Variants in KIF20A observed in about 807,000 individuals in gnomAD.
The protein encoded by KIF20A is kinesin-like protein KIF20A.
Under a neutral mutation model 113.0 loss-of-function variants are expected in KIF20A, and 66 were observed. That is an observed-to-expected ratio of 0.58 (90% CI 0.48 to 0.72). KIF20A has a LOEUF of 0.72. KIF20A is among the 30% of genes least tolerant of loss of function. KIF20A has a pLI of 0.00. For missense variants in KIF20A, 927 were observed against 1,077.6 expected (o/e 0.86, Z 1.96); for synonymous variants, 376 against 402.3 (o/e 0.93, Z 0.78).
rs1754739951 is a variant in KIF20A, at chr5:138,186,058, T to G, written c.2217+6T>G. On this transcript the variant is annotated splice_donor_region_variant and intron_variant, in intron 17 of 18. Transcript: ENST00000394894. Reference sequence around the variant, plus strand: ...AGTTAGAAGAGGGCCAGAAGGTAATTACCACCATTCTCTGTTTACCAAACT... The same window carrying G: ...AGTTAGAAGAGGGCCAGAAGGTAATGACCACCATTCTCTGTTTACCAAACT... 4.3e-6 allele frequency: 7 copies of G among 1,611,732 alleles called. No homozygotes were observed. Among genetic ancestry groups the G allele is most frequent in the South Asian group, 1.1e-5 (1 of 90,988 alleles).
chr5:138,179,788 C>T lies in KIF20A; in HGVS notation c.108C>T (p.Arg36=), dbSNP rs763690713. 1.9e-6 allele frequency: 3 copies of T among 1,614,082 alleles called. No individual in the cohort carries two copies. Among genetic ancestry groups the T allele is most frequent in the Non-Finnish European group, 2.5e-6 (3 of 1,180,028 alleles). ...STAADLGSVV[R]KNLLSDCSVV... ...CTGCAGATTTGGGGTCTGTGGTACG[C>T]AAGAACCTGCTATCAGACTGCTCTG... The change falls in exon 2 of 19, where the codon CGC becomes CGT. Residue 36 remains arginine (R), a synonymous_variant. Transcript: ENST00000394894.
rs764585468 is a variant in KIF20A at position 138,181,693 on chromosome 5, A to G, written c.340A>G (p.Ile114Val). 2.5e-6 allele frequency: 4 copies of G among 1,614,098 alleles called. No homozygotes were observed. Among genetic ancestry groups the G allele is most frequent in the East Asian group, 4.5e-5 (2 of 44,876 alleles). ...TGCCCTGAAGAGCAATGAACGGGGAATTGGCCAAGCCACACACAGGTTCAC... is the reference window on the plus strand; with the variant it reads ...TGCCCTGAAGAGCAATGAACGGGGAGTTGGCCAAGCCACACACAGGTTCAC... The part of the protein sequence containing the change: ...SFALKSNERG[I>V]GQATHRFTFS... The change falls in exon 4 of 19, where the codon ATT (isoleucine) becomes GTT (valine). Residue 114 changes from isoleucine to valine, a missense_variant. Transcript: ENST00000394894.
intron 2 of KIF20A, among the ~76,000 whole-genome samples, chr5:138,180,428 A>G (rs1308257604): frequency 6.6e-6 from 1 of 152,196 alleles, no homozygotes; most frequent in African/African-American, 2.4e-5. Context: ...AAATGTCTTC[A>G]GGCACTTCAG....
chr5:138,181,150 AC>A (rs1321826590), intron 2 of KIF20A, among the ~76,000 whole-genome samples: 2 of 152,256 alleles, frequency 1.3e-5, no homozygotes, highest in Admixed American at 1.3e-4. Flanking sequence ...AATATCACAT[AC>A]TAATTTTCAT....
rs1216637571 is a variant in KIF20A at position 138,181,613 on chromosome 5, G to A, written c.260G>A (p.Cys87Tyr). 6.2e-7 allele frequency: 1 copy of A among 1,614,178 alleles called. No homozygotes were observed. The highest frequency in any genetic ancestry group is 1.7e-5 in the Admixed American group (1 of 60,030). Residue 87 changes from cysteine to tyrosine, a missense_variant, in exon 4 of 19, where the codon TGT becomes TAT. Transcript: ENST00000394894. ...SELERQEDQGCVRIENVETLV... is the reference protein window; with the variant it reads ...SELERQEDQGYVRIENVETLV... ...CTGTATTTTCTCCCTTCTCAGGGTT[G>A]TGTCCGTATTGAGAATGTGGAGACC...
At position 138,179,852 on chromosome 5, in the gene KIF20A, G is replaced by A; in HGVS notation, c.165+7G>A. On this transcript the variant is annotated splice_region_variant and intron_variant, in intron 2 of 18. Transcript: ENST00000394894. ...CCTAGAGGACAAGCAGCAGGTAAAG[G>A]AACTGGGGAGTGGCTGGGGCGGAAA... The A allele has an allele frequency of 6.2e-7, 1 of 1,613,706 alleles. No homozygotes were observed. Among genetic ancestry groups the A allele is most frequent in the East Asian group, 2.2e-5 (1 of 44,858 alleles).
In KIF20A at chr5:138,185,968, T is replaced by C. The variant is rs2151234150; in HGVS notation, c.2133T>C (p.His711=). 2 of 1,613,948 alleles carry C rather than the reference T, an allele frequency of 1.2e-6. No homozygotes were observed. Among genetic ancestry groups the C allele is most frequent in the Non-Finnish European group, 1.7e-6 (2 of 1,179,850 alleles). Residue 711 remains histidine (H), a synonymous_variant, in exon 17 of 19, where the codon CAT becomes CAC. Transcript: ENST00000394894. ...CCTGTTTCCTTCCCTCAGAGTTGCA[T>C]AAGTATCAGAAAATGTTAGAACCAC... is the stretch of plus-strand genomic sequence containing the variant. The part of the protein sequence containing the change: ...AELNSTTEEL[H]KYQKMLEPPP...
intron 4 of KIF20A, 45 bp from the exon 5 acceptor site, chr5:138,182,278 T>G: frequency 6.3e-7 from 1 of 1,593,876 alleles, no homozygotes; most frequent in Non-Finnish European, 8.5e-7. Flanking sequence ...AGGAGGCAAG[T>G]GGGAGATGAA....
chr5:138,183,690 A>G lies in KIF20A; in HGVS notation c.1142A>G (p.His381Arg). Reference protein sequence around the residue: ...THLNQNSSRSHSIFSIRILHL... With the variant: ...THLNQNSSRSRSIFSIRILHL... ...TTTTTGTTTTTCTTAACTTCCAGTC[A>G]CAGCATCTTCTCAATCAGGATCCTA... Residue 381 changes from histidine (H) to arginine (R), a missense_variant and splice_region_variant, in exon 10 of 19, where the codon CAC becomes CGC. Transcript: ENST00000394894. This position sits in a 1 kb window ranked among gnomAD's most constrained non-coding sequence, Gnocchi z 5.2. 2 of 1,613,768 alleles carry G rather than the reference A, an allele frequency of 1.2e-6. No homozygotes were observed. Among genetic ancestry groups the G allele is most frequent in the South Asian group, 1.1e-5 (1 of 91,080 alleles).
rs1231378230 is a variant in KIF20A at position 138,179,768 on chromosome 5, G to C, written c.88G>C (p.Asp30His). 3 of 1,614,042 alleles carry C rather than the reference G, an allele frequency of 1.9e-6. No individual in the cohort carries two copies. Among genetic ancestry groups the C allele is most frequent in the African/African-American group, 1.3e-5 (1 of 74,918 alleles). Residue 30 changes from aspartate to histidine, a missense_variant, in exon 2 of 19, where the codon GAT becomes CAT. Asp to His is a moderately conservative substitution (Grantham distance 81, BLOSUM62 -1). Transcript: ENST00000394894. ...VSPMFESTAADLGSVVRKNLL... is the reference protein window; with the variant it reads ...VSPMFESTAAHLGSVVRKNLL... Reference sequence around the variant, plus strand: ...TCCCATGTTTGAGTCCACAGCTGCAGATTTGGGGTCTGTGGTACGCAAGAA... The same window carrying C: ...TCCCATGTTTGAGTCCACAGCTGCACATTTGGGGTCTGTGGTACGCAAGAA...
intron 17 of KIF20A, 86 bp downstream of exon 17, chr5:138,186,138 C>T (rs191246348): frequency 8.3e-5 from 125 of 1,499,814 alleles, no homozygotes; most frequent in Non-Finnish European, 1.1e-4. Flanking sequence ...CATGTGAAGA[C>T]AAGATGTTTT....
In KIF20A at chr5:138,185,494, T is replaced by C; in HGVS notation, c.1927-18T>C. ...TTTCTGGCTCTGCAAAGAATTGTGC[T>C]CTCTGCTTCCCTCTTAGGAGCGGGA... On this transcript the variant is annotated intron_variant, in intron 15 of 18. Coordinates refer to ENST00000394894, the MANE Select transcript of KIF20A (RefSeq NM_005733.3). The C allele has an allele frequency of 6.2e-7, 1 of 1,611,548 alleles. No individual in the cohort carries two copies. The highest frequency in any genetic ancestry group is 2.2e-5 in the East Asian group (1 of 44,872).
chr5:138,183,154 T>C lies in KIF20A; in HGVS notation c.833-15T>C. The C allele has an allele frequency of 1.9e-6, 3 of 1,613,376 alleles. No homozygotes were observed. In the South Asian group the frequency reaches 3.3e-5, roughly 18 times the overall value. The stretch of plus-strand genomic sequence containing the variant: ...TGCTCTAGGTTGATGCCCTATACAT[T>C]GGCTTCTTCTCCAGAAACAAGTCAT... On this transcript the variant is annotated splice_polypyrimidine_tract_variant and intron_variant, in intron 7 of 18. Transcript: ENST00000394894. The surrounding 1 kb of genome is among the most constrained non-coding windows in gnomAD (Gnocchi z 5.2).
chr5:138,184,122 A>G lies in KIF20A; in HGVS notation c.1352+17A>G. ...GCAGAACCGGTGAGCTTTTGACTAT[A>G]ATTCCTGGGCTCTGCAATTTGCTAA... On this transcript the variant is annotated intron_variant, in intron 11 of 18. Transcript: ENST00000394894. The G allele has an allele frequency of 6.2e-7, 1 of 1,614,006 alleles. No individual in the cohort carries two copies. The highest frequency in any genetic ancestry group is 8.5e-7 in the Non-Finnish European group (1 of 1,179,958).
chr5:138,182,534 T>C (rs1561628943), intron 5 of KIF20A, 52 bp from the exon 6 acceptor site: 1 of 1,612,668 alleles, frequency 6.2e-7, no homozygotes, highest in African/African-American at 1.3e-5. Flanking sequence ...AGACTCTGAG[T>C]TAGGGGGAGA....
At chr5:138,181,291 G>A in intron 2 of KIF20A, 131 bp from the exon 3 acceptor site, 2 of 731,726 alleles carry the variant, frequency 2.7e-6, no homozygotes, top group South Asian at 1.7e-5. Flanking sequence ...GAACCAAAGA[G>A]TAGCTGCACA....
At chr5:138,182,487 C>T (rs1252977363) in intron 5 of KIF20A, 26 bp downstream of exon 5, 5 of 1,612,598 alleles carry the variant, frequency 3.1e-6, no homozygotes, top group Non-Finnish European at 4.2e-6. Flanking sequence ...TCACGGGATT[C>T]CTGATTGGCT....
At chr5:138,185,267 A>G (rs932887362) in intron 15 of KIF20A, 70 bp downstream of exon 15, 16 of 1,100,736 alleles carry the variant, frequency 1.5e-5, no homozygotes, top group South Asian at 8.2e-5. Flanking sequence ...AAGTAAAGAG[A>G]TTTTATAAAC....
Position 138,184,601 on chromosome 5 carries a change from G to A in KIF20A, c.1608G>A (p.Glu536=), listed in dbSNP as rs771895564. 33 of 1,614,204 alleles carry A rather than the reference G, an allele frequency of 2.0e-5. No homozygotes were observed. Among genetic ancestry groups the A allele is most frequent in the Non-Finnish European group, 2.8e-5 (33 of 1,180,028 alleles). Residue 536 remains glutamate (E), a synonymous_variant, in exon 13 of 19, where the codon GAG becomes GAA. Transcript: ENST00000394894. ...GTCTTCAGGTATCCCCCAGCTTAGA[G>A]AAAGGGGCTAAGGCAGACACAGGCC... ...EHSLQVSPSL[E]KGAKADTGLD...
Sources: allele counts gnomAD v4.1 joint callset (sites outside exome capture counted in the v4.1 genomes callset), GRCh38; gene constraint gnomAD v4.1.1; non-coding constraint Gnocchi (gnomAD v3.1); transcripts MANE v1.5; gene names NCBI Gene and HGNC (gene_info 2026-07-23, HGNC 2026-07-21).